NMRAL1: variants seen among roughly 807,000 people sequenced by gnomAD.
The protein encoded by NMRAL1 is NmrA like redox sensor 1.
NMRAL1 carries 32 observed loss-of-function variants against 27.5 expected under a neutral mutation model. The observed-to-expected ratio is 1.16, with a 90% confidence interval of 0.88 to 1.56. NMRAL1 has a LOEUF of 1.56. Among genes scored for constraint, NMRAL1 ranks in the 40% most tolerant of loss-of-function variants. The pLI, the probability that NMRAL1 is intolerant of heterozygous loss-of-function variation, is 0.00. For synonymous variants in NMRAL1, 166 were observed against 166.8 expected (o/e 1.00, Z 0.04); for missense variants, 420 against 392.0 (o/e 1.07, Z -0.60).
intron 2 of NMRAL1, among the ~76,000 whole-genome samples, chr16:4,471,017 G>A (rs1389798211): frequency 1.3e-5 from 2 of 151,480 alleles, no homozygotes; most frequent in African/African-American, 2.4e-5. Flanking sequence ...TGAGGCAGGA[G>A]AATCGCTTGA....
Position 4,466,197 on chromosome 16 carries a change from T to C in NMRAL1, c.485A>G (p.His162Arg). 1 of 1,614,094 alleles carries C rather than the reference T, an allele frequency of 6.2e-7. No homozygotes were observed. The change falls in exon 4 of 6, where the codon CAC becomes CGC. Residue 162 changes from histidine (H) to arginine (R), a missense_variant. By Grantham distance (29) the His-to-Arg change is conservative. Transcript: ENST00000283429. ...GTCTGGGGCTTTCTGGGGCAAGAAG[T>C]GGGAGAGGAGGTTCTCAAAATAGCA... is the stretch of plus-strand genomic sequence containing the variant. ...LPCYFENLLS[H>R]FLPQKAPDGK... is the part of the protein sequence containing the mutation.
At chr16:4,471,231 T>C (rs1204002821) in intron 2 of NMRAL1, 1 of 151,570 alleles carries the variant, frequency 6.6e-6, no homozygotes, top group African/African-American at 2.4e-5. Flanking sequence ...CAAAGAAAAA[T>C]AGTTAACAGA....
At position 4,466,154 on chromosome 16, in the gene NMRAL1, C is replaced by T. The variant is rs2057315938; in HGVS notation, c.528G>A (p.Leu176=). Residue 176 remains leucine (L), a splice_region_variant and synonymous_variant, in exon 4 of 6, where the codon CTG becomes CTA. Transcript: ENST00000283429. ...QKAPDGKSYL[L]SLPTGDVPMD... Reference sequence around the variant, plus strand: ...CCGTGTGCGAGAAAGGGCACTTACTCAGCAAGTAGCTCTTTCCGTCTGGGG... The same window carrying T: ...CCGTGTGCGAGAAAGGGCACTTACTTAGCAAGTAGCTCTTTCCGTCTGGGG... 6.2e-7 allele frequency: 1 copy of T among 1,613,970 alleles called. No individual in the cohort carries two copies. The highest frequency in any genetic ancestry group is 1.7e-5 in the Admixed American group (1 of 59,988).
At chr16:4,469,525 G>A (rs1027199807) in intron 2 of NMRAL1, 60 bp from the exon 3 acceptor site, 24 of 1,603,690 alleles carry the variant, frequency 1.5e-5, no homozygotes, top group Admixed American at 6.7e-5. Flanking sequence ...ACTGAAGGGC[G>A]AAACCCCGAA....
chr16:4,475,920 C>G (rs949171591), upstream of NMRAL1: 6 of 152,140 alleles, frequency 3.9e-5, no homozygotes, highest in Non-Finnish European at 7.3e-5. Flanking sequence ...GCCTGGGCGA[C>G]GAGCAAAACT....
At chr16:4,473,786 C>T (rs898104928) in intron 2 of NMRAL1, among the ~76,000 whole-genome samples, 1 of 151,924 alleles carries the variant, frequency 6.6e-6, no homozygotes, top group African/African-American at 2.4e-5. Flanking sequence ...ATTAGCCGGG[C>T]GTGGTGGCAT....
chr16:4,467,597 A>G (rs1304057639), intron 3 of NMRAL1, among the ~76,000 whole-genome samples: 1 of 151,902 alleles, frequency 6.6e-6, no homozygotes, highest in Non-Finnish European at 1.5e-5. Context: ...AGCTTCTAGA[A>G]TATCAGAGAA....
chr16:4,471,233 G>A (rs1471583005), intron 2 of NMRAL1: 3 of 152,158 alleles, frequency 2.0e-5, no homozygotes, highest in African/African-American at 7.2e-5. Context: ...AAGAAAAATA[G>A]TTAACAGAAA....
chr16:4,466,643 C>CGGG (rs145197863), intron 3 of NMRAL1: 1 of 543,506 alleles, frequency 1.8e-6, no homozygotes, highest in African/African-American at 1.9e-5. Flanking sequence ...CAACATAGGA[C>CGGG]GGGGGGGCAG....
At position 4,461,821 on chromosome 16, in the gene NMRAL1, G is replaced by A. The variant is rs902557065; in HGVS notation, c.859C>T (p.Gln287Ter). 1 of 1,614,076 alleles carries A rather than the reference G, an allele frequency of 6.2e-7. No homozygotes were observed. Residue 287 changes from glutamine (Q) to a stop codon, truncating the protein, a stop_gained, in exon 6 of 6, where the codon CAG becomes TAG. Coordinates refer to ENST00000283429, the MANE Select transcript of NMRAL1 (RefSeq NM_020677.6). LOFTEE classifies it high-confidence loss of function. Reference sequence around the variant, plus strand: ...TCCCCTTTGTGCTGTTCCAGCCACTGGTCCAGCGTCAGGGCCTTGGGGTTG... The same window carrying A: ...TCCCCTTTGTGCTGTTCCAGCCACTAGTCCAGCGTCAGGGCCTTGGGGTTG... ...RLNPKALTLD[Q>*]WLEQHKGDFN...
chr16:4,472,868 T>G (rs1567364841), intron 2 of NMRAL1, among the ~76,000 whole-genome samples: 1 of 151,936 alleles, frequency 6.6e-6, no homozygotes, highest in Non-Finnish European at 1.5e-5. Flanking sequence ...ATATGAAATG[T>G]CCCGAATAGA....
At chr16:4,462,943 C>T (rs964035363) in intron 5 of NMRAL1, among the ~76,000 whole-genome samples, 1 of 151,944 alleles carries the variant, frequency 6.6e-6, no homozygotes, top group African/African-American at 2.4e-5. Flanking sequence ...CAAACTCTGC[C>T]TCCTGAGTTC....
intron 2 of NMRAL1, among the ~76,000 whole-genome samples, chr16:4,473,601 T>C (rs911058843): frequency 6.6e-6 from 1 of 152,130 alleles, no homozygotes; most frequent in African/African-American, 2.4e-5. Context: ...AGTACTCCTA[T>C]TCAAATAAGT....
At chr16:4,462,048 G>A (rs373340734) in intron 5 of NMRAL1, 89 bp from the exon 6 acceptor site, 4 of 1,047,226 alleles carry the variant, frequency 3.8e-6, no homozygotes, top group African/African-American at 1.6e-5. Context: ...GGGGTCTCCC[G>A]ACCTGCTACA....
chr16:4,468,615 CAA>C (rs59245472), intron 3 of NMRAL1, among the ~76,000 whole-genome samples: 4 of 128,258 alleles, frequency 3.1e-5, no homozygotes, highest in African/African-American at 3.2e-5. Context: ...GACTCAGTCT[CAA>C]AAAAAAAAAA....
chr16:4,469,357 T>C lies in NMRAL1; in HGVS notation c.149A>G (p.Gln50Arg), dbSNP rs1407775249. ...RKKAAKELRLQGAEVVQGDQD... is the reference protein window; with the variant it reads ...RKKAAKELRLRGAEVVQGDQD... ...GTCTCCCTGCACTACTTCTGCACCT[T>C]GCAGCCTCAGCTCCTTTGCTGCCTT... Residue 50 changes from glutamine to arginine, a missense_variant, in exon 3 of 6, where the codon CAA becomes CGA. Gln to Arg is a conservative substitution (Grantham distance 43). Coordinates refer to ENST00000283429, the MANE Select transcript of NMRAL1 (RefSeq NM_020677.6). The C allele has an allele frequency of 1.2e-6, 2 of 1,614,100 alleles. No homozygotes were observed. The highest frequency in any genetic ancestry group is 1.7e-6 in the Non-Finnish European group (2 of 1,179,936).
At position 4,469,210 on chromosome 16, in the gene NMRAL1, C is replaced by T. The variant is rs748929754; in HGVS notation, c.279+17G>A. The T allele has an allele frequency of 1.1e-5, 18 of 1,588,558 alleles. No homozygotes were observed. The South Asian group carries it at 1.7e-4, about 15-fold the overall frequency. On this transcript the variant is annotated intron_variant, in intron 3 of 5. Transcript: ENST00000283429. ...CTAGCCTGGCCGGGCCTCCCTGCAG[C>T]TCCTGCCTGCCCTCACCTGCTTGAC... is the stretch of plus-strand genomic sequence containing the variant.
At chr16:4,466,549 G>T in intron 3 of NMRAL1, 147 bp from the exon 4 acceptor site, 1 of 712,938 alleles carries the variant, frequency 1.4e-6, no homozygotes. Context: ...CCCCTCTCCT[G>T]GAATGATGTT....
In NMRAL1 at chr16:4,469,211, T is replaced by TCCTGCCTGCCCTCA. The variant is rs2057451683; in HGVS notation, c.279+2_279+15dup. On this transcript the variant is annotated intron_variant, in intron 3 of 5. Coordinates refer to ENST00000283429, the MANE Select transcript of NMRAL1 (RefSeq NM_020677.6). ...TAGCCTGGCCGGGCCTCCCTGCAGC[T>TCCTGCCTGCCCTCA]CCTGCCTGCCCTCACCTGCTTGACC... 6.3e-7 allele frequency: 1 copy of TCCTGCCTGCCCTCA among 1,591,450 alleles called. No homozygotes were observed. The highest frequency in any genetic ancestry group is 1.7e-5 in the Admixed American group (1 of 59,990).
Sources: allele counts gnomAD v4.1 joint callset (sites outside exome capture counted in the v4.1 genomes callset), GRCh38; gene constraint gnomAD v4.1.1; transcripts MANE v1.5; gene names NCBI Gene and HGNC (gene_info 2026-07-23, HGNC 2026-07-21).